Variants in DYNC2H1 observed in about 807,000 individuals in gnomAD.
DYNC2H1 encodes the protein dynein cytoplasmic 2 heavy chain 1.
A neutral mutation model predicts 570.0 loss-of-function variants in DYNC2H1; 410 were observed. The observed-to-expected ratio is 0.72, with a 90% CI of 0.66 to 0.78. The LOEUF (loss-of-function observed/expected upper bound fraction) is 0.78. Ranked by LOEUF, DYNC2H1 falls within the 30% of genes least tolerant of loss-of-function variation. The pLI, the probability that DYNC2H1 is intolerant of heterozygous loss-of-function variation, is 0.00. For synonymous variants in DYNC2H1, 1,688 were observed against 1,677.6 expected (o/e 1.01, Z -0.15); for missense variants, 4,865 against 5,046.4 (o/e 0.96, Z 1.09).
At chr11:103,417,426 A>G (rs1943326385) in intron 84 of DYNC2H1, among the ~76,000 whole-genome samples, 1 of 152,174 alleles carries the variant, frequency 6.6e-6, no homozygotes, top group South Asian at 2.1e-4. Flanking sequence ...TAAAAAGCCA[A>G]CAAAGACATT....
At chr11:103,255,112 G>A (rs985402081) in intron 66 of DYNC2H1, among the ~76,000 whole-genome samples, 4 of 151,978 alleles carry the variant, frequency 2.6e-5, no homozygotes, top group Non-Finnish European at 5.9e-5. Flanking sequence ...TAAAAAAATA[G>A]TAATCTCATA....
chr11:103,212,038 T>A, intron 54 of DYNC2H1, 95 bp downstream of exon 54: 2 of 1,264,618 alleles, frequency 1.6e-6, no homozygotes. Flanking sequence ...ATATATCTGG[T>A]ATTAATAAAT....
intron 83 of DYNC2H1, among the ~76,000 whole-genome samples, chr11:103,359,733 C>T (rs1043806390): frequency 4.0e-5 from 6 of 148,950 alleles, no homozygotes; most frequent in African/African-American, 7.4e-5. Flanking sequence ...GGCATGATCT[C>T]GGCTCACTGC....
chr11:103,355,104 A>G lies in DYNC2H1; in HGVS notation c.12040-3139A>G, dbSNP rs191245842. 3.7e-3 allele frequency among the ~76,000 whole-genome samples: 556 copies of G among 152,108 alleles called. 5 individuals carry two copies. Among genetic ancestry groups the G allele is most frequent in the African/African-American group, 0.013 (532 of 41,512 alleles). ...GTATTTTTTCTCTTTTGGCTTTAGC[A>G]TTTAAGATTTTCCTTATTTTCCTTG... On this transcript the variant is annotated intron_variant, in intron 82 of 88. Coordinates refer to ENST00000375735, the MANE Select transcript of DYNC2H1 (RefSeq NM_001377.3).
chr11:103,350,321 G>T (rs909148003), intron 82 of DYNC2H1, among the ~76,000 whole-genome samples: 1 of 136,810 alleles, frequency 7.3e-6, no homozygotes, highest in Non-Finnish European at 1.5e-5. Flanking sequence ...ATTATAAATT[G>T]TTTTTTTCTG....
At chr11:103,260,886 TG>T (rs1865253496) in intron 70 of DYNC2H1, among the ~76,000 whole-genome samples, 1 of 151,956 alleles carries the variant, frequency 6.6e-6, no homozygotes, top group African/African-American at 2.4e-5. Flanking sequence ...CCCAAAGTGC[TG>T]GGATTATAGA....
chr11:103,267,201 G>A (rs563035996), intron 70 of DYNC2H1, among the ~76,000 whole-genome samples: 14 of 152,092 alleles, frequency 9.2e-5, no homozygotes, highest in East Asian at 1.9e-4. Context: ...ACAAGTCCAG[G>A]TGTGCAGTAG....
chr11:103,400,632 G>A (rs574394751), intron 84 of DYNC2H1, among the ~76,000 whole-genome samples: 17 of 151,728 alleles, frequency 1.1e-4, no homozygotes, highest in African/African-American at 3.9e-4. Flanking sequence ...AAATATTTCA[G>A]TGGAGTGCTA....
intron 70 of DYNC2H1, among the ~76,000 whole-genome samples, chr11:103,267,857 C>T (rs1387327387): frequency 6.6e-6 from 1 of 151,548 alleles, no homozygotes; most frequent in Non-Finnish European, 1.5e-5. Flanking sequence ...ATATTTTGTT[C>T]CATAATTTCT....
At chr11:103,358,678 A>G (rs933722717) in intron 83 of DYNC2H1, among the ~76,000 whole-genome samples, 8 of 152,068 alleles carry the variant, frequency 5.3e-5, no homozygotes, top group African/African-American at 1.9e-4. Flanking sequence ...TTCTTGTAAC[A>G]GTTTCTGAGC....
At chr11:103,405,578 T>G (rs1942830399) in intron 84 of DYNC2H1, 1 of 151,930 alleles carries the variant, frequency 6.6e-6, no homozygotes. Context: ...GGTGCCCCAG[T>G]TATCAGAGGG....
At chr11:103,300,173 G>A (rs1866990027) in intron 75 of DYNC2H1, among the ~76,000 whole-genome samples, 1 of 151,946 alleles carries the variant, frequency 6.6e-6, no homozygotes, top group Non-Finnish European at 1.5e-5. Flanking sequence ...CAAAGTACGG[G>A]AGTCAATTTG....
At chr11:103,121,341 T>C in intron 9 of DYNC2H1, 31 bp from the exon 10 acceptor site, 2 of 1,556,834 alleles carry the variant, frequency 1.3e-6, no homozygotes, top group Non-Finnish European at 1.7e-6. Context: ...GCTAATTCTT[T>C]GTAATCATTT....
At chr11:103,442,361 C>A (rs1294172030) in intron 85 of DYNC2H1, among the ~76,000 whole-genome samples, 3 of 151,912 alleles carry the variant, frequency 2.0e-5, no homozygotes, top group Non-Finnish European at 4.4e-5. Context: ...AATATATGGC[C>A]AAGCTTTAAG....
chr11:103,171,094 G>T (rs1565363774), intron 34 of DYNC2H1, 26 bp downstream of exon 34: 5 of 1,519,048 alleles, frequency 3.3e-6, no homozygotes, highest in South Asian at 2.7e-5. Context: ...GGAATTTAAA[G>T]AATTAAAATA....
In DYNC2H1 at chr11:103,275,567, A is replaced by G. The variant is rs1187145954; in HGVS notation, c.10696-4781A>G. Among the ~76,000 whole-genome samples the G allele has an allele frequency of 1.3e-5, 2 of 152,082 alleles. No individual in the cohort carries two copies. Among genetic ancestry groups the G allele is most frequent in the Non-Finnish European group, 2.9e-5 (2 of 68,012 alleles). On this transcript the variant is annotated intron_variant, in intron 70 of 88. Coordinates refer to ENST00000375735, the MANE Select transcript of DYNC2H1 (RefSeq NM_001377.3). This position sits in a 1 kb window ranked among gnomAD's most constrained non-coding sequence, Gnocchi z 4.8. Reference sequence around the variant, plus strand: ...CCTATAGTTTTGCCTGTTCCAAATTATATTCTAATTATATTTGTCATATAA... The same window carrying G: ...CCTATAGTTTTGCCTGTTCCAAATTGTATTCTAATTATATTTGTCATATAA...
chr11:103,389,749 T>G (rs559808816), intron 83 of DYNC2H1, among the ~76,000 whole-genome samples: 18 of 152,152 alleles, frequency 1.2e-4, no homozygotes, highest in Non-Finnish European at 2.4e-4. Context: ...TTCATTTCGT[T>G]ATGTACCCAG....
chr11:103,144,876 A>C (rs1283801106), intron 18 of DYNC2H1, among the ~76,000 whole-genome samples: 1 of 12,776 alleles, frequency 7.8e-5, no homozygotes, highest in East Asian at 7.6e-3. Context: ...AATAATAATG[A>C]TAATTAGTTA....
intron 17 of DYNC2H1, among the ~76,000 whole-genome samples, chr11:103,142,938 C>A (rs771386555): frequency 1.3e-5 from 2 of 152,128 alleles, no homozygotes; most frequent in Non-Finnish European, 2.9e-5. Context: ...TGAATCTGGA[C>A]CCTTTCAGAT....
Sources: gnomAD v4.1 joint callset for allele counts (sites outside exome capture counted in the v4.1 genomes callset) on GRCh38, gnomAD v4.1.1 for gene constraint, Gnocchi (gnomAD v3.1) non-coding constraint, MANE v1.5 for transcripts, NCBI Gene and HGNC (gene_info 2026-07-23, HGNC 2026-07-21) for gene names.